The following LRIG2 variants were observed in gnomAD, a reference collection of about 807,000 sequenced individuals.
LRIG2 encodes the protein leucine-rich repeats and immunoglobulin-like domains protein 2.
Under a neutral mutation model 107.8 loss-of-function variants are expected in LRIG2, and 93 were observed. The ratio of observed to expected loss-of-function variants is 0.86; its 90% confidence interval spans 0.73 to 1.03. The LOEUF is 1.03. Among genes scored for constraint, LRIG2 ranks in the 50% least tolerant of loss-of-function variants. The probability of loss-of-function intolerance (pLI) is 0.00; values close to 1 mark genes in which losing one functional copy is unlikely to be tolerated. For missense variants in LRIG2, 1,226 were observed against 1,296.0 expected, an observed-to-expected ratio of 0.95 and a Z score of 0.83; for synonymous variants, 471 against 470.6, an observed-to-expected ratio of 1.00 and a Z score of -0.01.
At chr1:113,084,998 A>G (rs1470400210) in intron 1 of LRIG2, among the ~76,000 whole-genome samples, 2 of 152,234 alleles carry the variant, frequency 1.3e-5, no homozygotes, top group Non-Finnish European at 2.9e-5. Context: ...TATCCAAATT[A>G]TTGATTTCAT....
In LRIG2 at chr1:113,112,581, C is replaced by T. The variant is rs2101057814; in HGVS notation, c.1901C>T (p.Ser634Phe). ...AAEGHPAPQI[S>F]WQKDGGTDFP... ...GAGGGACACCCTGCACCTCAGATTT[C>T]CTGGCAGAAAGATGGTGGTACTGAC... Residue 634 changes from serine (S) to phenylalanine (F), a missense_variant, in exon 14 of 18, where the codon TCC becomes TTC. Physicochemically the swap from Ser to Phe is radical, Grantham distance 155 (BLOSUM62 -2). Around this residue, in one of 3 missense-constraint regions of LRIG2, gnomAD observed 642 missense variants for 712.2 expected, o/e 0.90. Transcript: ENST00000361127. The T allele has an allele frequency of 1.2e-6, 2 of 1,614,196 alleles. No homozygotes were observed. The highest frequency in any genetic ancestry group is 1.1e-5 in the South Asian group (1 of 91,082).
intron 1 of LRIG2, among the ~76,000 whole-genome samples, chr1:113,076,791 AC>A (rs1652999535): frequency 2.0e-5 from 3 of 152,348 alleles, no homozygotes; most frequent in African/African-American, 7.2e-5. Flanking sequence ...ATACTCAGAT[AC>A]TGTCTTTATG....
chr1:113,112,818 G>A, intron 14 of LRIG2, 58 bp downstream of exon 14: 1 of 1,472,774 alleles, frequency 6.8e-7, no homozygotes, highest in Non-Finnish European at 9.1e-7. Context: ...AGCTACTCTT[G>A]GTCTTAATGA....
chr1:113,076,788 G>T (rs1652999360), intron 1 of LRIG2, among the ~76,000 whole-genome samples: 1 of 152,112 alleles, frequency 6.6e-6, no homozygotes, highest in Non-Finnish European at 1.5e-5. Context: ...AACATACTCA[G>T]ATACTGTCTT....
chr1:113,089,760 C>T (rs1307412392), intron 1 of LRIG2, among the ~76,000 whole-genome samples: 2 of 128,646 alleles, frequency 1.6e-5, no homozygotes, highest in African/African-American at 7.4e-5. Context: ...TGGCTCACTA[C>T]AACCTCACTA....
chr1:113,087,355 T>A (rs1653602481), intron 1 of LRIG2, among the ~76,000 whole-genome samples: 2 of 152,200 alleles, frequency 1.3e-5, no homozygotes, highest in Admixed American at 1.3e-4. Flanking sequence ...TTTTAATTTT[T>A]TAATTTTTTG....
chr1:113,126,875 G>T lies in LRIG2; in HGVS notation c.*2774G>T. On this transcript the variant is annotated 3_prime_UTR_variant, in exon 18 of 18. Coordinates refer to ENST00000361127, the MANE Select transcript of LRIG2 (RefSeq NM_014813.3). Reference sequence around the variant, plus strand: ...TCATCACTCAGGTTATTTGCAAGTAGAAAGCTTCTGGAACCATTTGTCCAT... The same window carrying T: ...TCATCACTCAGGTTATTTGCAAGTATAAAGCTTCTGGAACCATTTGTCCAT... 1 of 163,318 alleles carries T rather than the reference G, an allele frequency of 6.1e-6. No homozygotes were observed. 10.1% of individuals were successfully genotyped at this position (163,318 alleles called of 1,614,324 possible).
chr1:113,114,650 G>A lies in LRIG2; in HGVS notation c.2304G>A (p.Met768Ile). The A allele has an allele frequency of 6.2e-7, 1 of 1,614,098 alleles. No homozygotes were observed. The highest frequency in any genetic ancestry group is 8.5e-7 in the Non-Finnish European group (1 of 1,180,026). The change falls in exon 15 of 18, where the codon ATG becomes ATA. Residue 768 changes from methionine to isoleucine, a missense_variant. By Grantham distance (10) the Met-to-Ile change is conservative (BLOSUM62 1). Coordinates refer to ENST00000361127, the MANE Select transcript of LRIG2 (RefSeq NM_014813.3). The part of the protein sequence containing the change: ...LEDAGKYTCI[M>I]SNTLGTERGH... Reference sequence around the variant, plus strand: ...ATGCTGGGAAATATACCTGCATTATGTCTAACACCCTTGGGACAGAACGTG... The same window carrying A: ...ATGCTGGGAAATATACCTGCATTATATCTAACACCCTTGGGACAGAACGTG...
intron 1 of LRIG2, among the ~76,000 whole-genome samples, chr1:113,075,968 G>GT (rs1652962330): frequency 6.9e-6 from 1 of 144,976 alleles, no homozygotes; most frequent in South Asian, 2.2e-4. Flanking sequence ...AAGTGCTGGG[G>GT]TTACAAGCAT....
intron 1 of LRIG2, among the ~76,000 whole-genome samples, chr1:113,084,987 C>G (rs1653482548): frequency 6.6e-6 from 1 of 152,222 alleles, no homozygotes; most frequent in South Asian, 2.1e-4. Flanking sequence ...TAATTACACT[C>G]TATCCAAATT....
intron 10 of LRIG2, 21 bp from the exon 11 acceptor site, chr1:113,100,399 T>C: frequency 6.7e-7 from 1 of 1,485,644 alleles, no homozygotes; most frequent in Non-Finnish European, 9.4e-7. Flanking sequence ...ACTGATAATG[T>C]TTCATTTCTC....
At chr1:113,089,676 CTTTTTTTTTTTTTT>C (rs35515644) in intron 1 of LRIG2, among the ~76,000 whole-genome samples, 1 of 71,674 alleles carries the variant, frequency 1.4e-5, no homozygotes, top group African/African-American at 4.9e-5. Context: ...AGGTGGATTG[CTTTTTTTTTTTTTT>C]TTTTTTTTGG....
At chr1:113,110,669 T>G in intron 13 of LRIG2, 107 bp downstream of exon 13, 1 of 804,996 alleles carries the variant, frequency 1.2e-6, no homozygotes, top group Non-Finnish European at 1.9e-6. Flanking sequence ...AGTAGGACTC[T>G]TACTGTTATT....
chr1:113,108,934 A>C (rs1033045350), intron 12 of LRIG2, among the ~76,000 whole-genome samples: 3 of 152,140 alleles, frequency 2.0e-5, no homozygotes, highest in African/African-American at 7.2e-5. Flanking sequence ...TTTACATAGG[A>C]GAACTTTTAG....
At chr1:113,091,489 G>GA (rs1490849810) in intron 2 of LRIG2, 106 bp downstream of exon 2, 2 of 636,454 alleles carry the variant, frequency 3.1e-6, no homozygotes, top group African/African-American at 3.9e-5. Context: ...AAAATTGAAG[G>GA]AAAAAATTAG....
rs774495440 is a variant in LRIG2, at chr1:113,119,521, G to A, written c.2969G>A (p.Gly990Asp). The A allele has an allele frequency of 6.2e-7, 1 of 1,612,594 alleles. No individual in the cohort carries two copies. The highest frequency in any genetic ancestry group is 2.2e-5 in the East Asian group (1 of 44,864). Residue 990 changes from glycine (G) to aspartate (D), a missense_variant and splice_region_variant, in exon 17 of 18, where the codon GGT (glycine) becomes GAT (aspartate). Physicochemically the swap from Gly to Asp is moderately conservative, Grantham distance 94. Transcript: ENST00000361127. ...EKKLPSTQMSGETLQRPVWNI... is the reference protein window; with the variant it reads ...EKKLPSTQMSDETLQRPVWNI... ...AAACTTCCCTCCACACAGATGAGCG[G>A]TGGTAAGGGATGTATTTTTGTTGTT...
intron 17 of LRIG2, among the ~76,000 whole-genome samples, chr1:113,122,727 A>G (rs1200721025): frequency 1.3e-5 from 2 of 152,176 alleles, no homozygotes; most frequent in Non-Finnish European, 2.9e-5. Context: ...TCTGTTGACT[A>G]TCAGCATCAC....
chr1:113,110,094 G>T, intron 12 of LRIG2, 148 bp from the exon 13 acceptor site: 1 of 576,168 alleles, frequency 1.7e-6, no homozygotes, highest in Non-Finnish European at 3.0e-6. Context: ...CTTTAAACAA[G>T]GGAATTGGAC....
intron 11 of LRIG2, among the ~76,000 whole-genome samples, chr1:113,100,972 A>G (rs1654282918): frequency 6.6e-6 from 1 of 152,148 alleles, no homozygotes; most frequent in Non-Finnish European, 1.5e-5. Flanking sequence ...ATCATTTTAT[A>G]CCCTTTTTCA....
Sources: gnomAD v4.1 joint callset for allele counts (sites outside exome capture counted in the v4.1 genomes callset) on GRCh38, gnomAD v4.1.1 for gene constraint, gnomAD v4.1.1 regional missense constraint, MANE v1.5 for transcripts, NCBI Gene and HGNC (gene_info 2026-07-23, HGNC 2026-07-21) for gene names.